The following SEMA5B variants were observed in gnomAD, a reference collection of about 807,000 sequenced individuals.
SEMA5B encodes the protein semaphorin 5B.
In SEMA5B, 66 loss-of-function variants were observed where a neutral mutation model predicts 135.0. That is an observed-to-expected ratio of 0.49 (90% CI 0.40 to 0.60). The LOEUF (loss-of-function observed/expected upper bound fraction) is 0.60. Ranked by LOEUF, SEMA5B falls within the 20% of genes least tolerant of loss-of-function variation. The probability of loss-of-function intolerance (pLI) is 0.00; values close to 1 mark genes in which losing one functional copy is unlikely to be tolerated. For synonymous variants in SEMA5B, 690 were observed against 639.5 expected (o/e 1.08, Z -1.19); for missense variants, 1,501 against 1,566.3 (o/e 0.96, Z 0.70).
At chr3:122,920,080 G>T (rs144085136) in intron 12 of SEMA5B, among the ~76,000 whole-genome samples, 56 of 152,310 alleles carry the variant, frequency 3.7e-4, no homozygotes, top group African/African-American at 1.2e-3. Flanking sequence ...ATACATGACA[G>T]TGCTGTTCAC....
intron 12 of SEMA5B, among the ~76,000 whole-genome samples, chr3:122,920,410 C>A (rs1374735406): frequency 1.5e-5 from 2 of 136,714 alleles, no homozygotes; most frequent in Non-Finnish European, 2.9e-5. Context: ...GGAGAACAAG[C>A]CATATGTGAA....
intron 1 of SEMA5B, among the ~76,000 whole-genome samples, chr3:122,972,738 T>TCC (rs1330543110): frequency 6.6e-6 from 1 of 152,064 alleles, no homozygotes. Flanking sequence ...TGTGGATGGG[T>TCC]CCTTGCTACT....
chr3:122,952,678 T>G (rs1269019006), intron 2 of SEMA5B, among the ~76,000 whole-genome samples: 1 of 152,178 alleles, frequency 6.6e-6, no homozygotes, highest in Non-Finnish European at 1.5e-5. Flanking sequence ...ACACTTATGC[T>G]GGATGCCCTC....
At position 122,911,496 on chromosome 3, in the gene SEMA5B, C is replaced by T. The variant is rs1430841634; in HGVS notation, c.3086G>A (p.Cys1029Tyr). The change falls in exon 21 of 23, where the codon TGT (cysteine) becomes TAT (tyrosine). Residue 1029 changes from cysteine to tyrosine, a missense_variant. This residue lies in a region of SEMA5B where 927 missense variants were observed against 881.6 expected (regional missense o/e 1.05). Coordinates refer to ENST00000357599, the MANE Select transcript of SEMA5B (RefSeq NM_001031702.4). ...PASSMEEATD[C>Y]AGFNLIHLVA... ...GTAGGTCCGGTTTCTTTTACCTGCA[C>T]AGTCGGTGGCCTCCTCCATGCTGGA... is the stretch of plus-strand genomic sequence containing the variant. 6.2e-7 allele frequency: 1 copy of T among 1,608,478 alleles called. No individual in the cohort carries two copies. The highest frequency in any genetic ancestry group is 1.1e-5 in the South Asian group (1 of 89,178).
rs755539253 is a variant in SEMA5B at position 122,922,358 on chromosome 3, G to C, written c.1362C>G (p.Ala454=). ...DAQRLFLMSE[A]VQPVTPEPCV... ...AGGGCTCGGGTGTCACCGGCTGCAC[G>C]GCCTCGCTCATCAGGAAGAGGCGCT... is the stretch of plus-strand genomic sequence containing the variant. Residue 454 remains alanine (A), a synonymous_variant, in exon 11 of 23, where the codon GCC becomes GCG. Coordinates refer to ENST00000357599, the MANE Select transcript of SEMA5B (RefSeq NM_001031702.4). The C allele has an allele frequency of 6.2e-7, 1 of 1,613,190 alleles. No individual in the cohort carries two copies. Among genetic ancestry groups the C allele is most frequent in the Admixed American group, 1.7e-5 (1 of 59,908 alleles).
At chr3:122,974,814 C>T (rs896438653) in intron 1 of SEMA5B, among the ~76,000 whole-genome samples, 2 of 152,156 alleles carry the variant, frequency 1.3e-5, no homozygotes, top group Admixed American at 1.3e-4. Flanking sequence ...GCCATTGGTG[C>T]CAAGCCCCTT....
At chr3:122,932,557 TA>T (rs958025274) in intron 5 of SEMA5B, among the ~76,000 whole-genome samples, 1 of 152,108 alleles carries the variant, frequency 6.6e-6, no homozygotes, top group African/African-American at 2.4e-5. Flanking sequence ...CCCACGGGAA[TA>T]AGGGCCAGAA....
intron 22 of SEMA5B, among the ~76,000 whole-genome samples, chr3:122,910,575 C>T (rs9289209): frequency 0.52 from 79,246 of 151,782 alleles, 23,263 homozygotes; most frequent in Non-Finnish European, 0.68. Context: ...TTTGGGAGGC[C>T]GAGGCGGGCG....
At position 122,999,047 on chromosome 3, in the gene SEMA5B, C is replaced by T. The variant is rs574181784; in HGVS notation, c.-39+28417G>A. On this transcript the variant is annotated intron_variant, in intron 1 of 22. Coordinates refer to ENST00000357599, the MANE Select transcript of SEMA5B (RefSeq NM_001031702.4). ...GTCACACAACAGCTAGTGATGGAGT[C>T]GGAGCTAGAAACCCAGGCGGTCAAG... Among the ~76,000 whole-genome samples the T allele has an allele frequency of 6.3e-4, 96 of 152,232 alleles. 1 individual carries two copies. The highest frequency in any genetic ancestry group is 1.1e-3 in the Non-Finnish European group (75 of 68,004).
At chr3:122,983,072 G>A (rs1054380456) in intron 1 of SEMA5B, among the ~76,000 whole-genome samples, 119 of 152,200 alleles carry the variant, frequency 7.8e-4, no homozygotes, top group African/African-American at 2.8e-3. Context: ...GCGGGATGAA[G>A]TGATCACTGG....
intron 1 of SEMA5B, among the ~76,000 whole-genome samples, chr3:122,998,588 C>G (rs1011031880): frequency 6.6e-6 from 1 of 152,140 alleles, no homozygotes; most frequent in Non-Finnish European, 1.5e-5. Flanking sequence ...TCCACTCCAC[C>G]CCACAAAGCT....
intron 1 of SEMA5B, among the ~76,000 whole-genome samples, chr3:123,006,542 T>C (rs567556684): frequency 1.3e-5 from 2 of 152,364 alleles, no homozygotes; most frequent in East Asian, 3.9e-4. Flanking sequence ...TCTAAGGGGC[T>C]TGCTGGTGCT....
rs34641242 is a variant in SEMA5B, at chr3:122,915,525, G to A, written c.1903C>T (p.Arg635Ter). ...DGDNSGSCLC[R>*]ARSCDSPRPR... ...CGAGGGGAATCACAGGATCGAGCTC[G>A]ACACAGGCAAGAGCCTGAGTTGTCC... is the stretch of plus-strand genomic sequence containing the variant. Residue 635 changes from arginine to a stop codon, truncating the protein, a stop_gained, in exon 14 of 23, where the codon CGA (arginine) becomes TGA (stop). Coordinates refer to ENST00000357599, the MANE Select transcript of SEMA5B (RefSeq NM_001031702.4). LOFTEE classifies it high-confidence loss of function. 5.6e-6 allele frequency: 9 copies of A among 1,614,022 alleles called. No individual in the cohort carries two copies. Among genetic ancestry groups the A allele is most frequent in the East Asian group, 2.2e-5 (1 of 44,876 alleles).
rs754465506 is a variant in SEMA5B, at chr3:122,915,897, G to A, written c.1689-7C>T. 5 of 1,612,342 alleles carry A rather than the reference G, an allele frequency of 3.1e-6. No individual in the cohort carries two copies. Among genetic ancestry groups the A allele is most frequent in the Non-Finnish European group, 4.2e-6 (5 of 1,178,640 alleles). On this transcript the variant is annotated splice_region_variant and splice_polypyrimidine_tract_variant and intron_variant, in intron 12 of 22. Transcript: ENST00000357599. ...CCGGGCCCCCAGGCATGCCCTGCCA[G>A]ACAGACGTCCTGAGATTCAAGCCCA...
intron 1 of SEMA5B, among the ~76,000 whole-genome samples, chr3:123,009,179 TC>T (rs1242629407): frequency 3.2e-4 from 48 of 152,084 alleles, no homozygotes; most frequent in Non-Finnish European, 2.9e-5. Flanking sequence ...TTACTCAGAC[TC>T]CTATCAATGC....
In SEMA5B at chr3:122,913,022, G is replaced by T. The variant is rs201282968; in HGVS notation, c.2546C>A (p.Pro849Gln). 2 of 1,590,254 alleles carry T rather than the reference G, an allele frequency of 1.3e-6. No individual in the cohort carries two copies. The highest frequency in any genetic ancestry group is 2.3e-5 in the East Asian group (1 of 43,570). ...EVLLRSGSTS[P>Q]HTVSGGWAAW... ...GGCCCAGCCCCCGCTCACCGTGTGC[G>T]GGGAGGTGCTCCCGCTGCGCAGGAG... The change falls in exon 18 of 23, where the codon CCG becomes CAG. Residue 849 changes from proline to glutamine, a missense_variant. Transcript: ENST00000357599.
intron 12 of SEMA5B, among the ~76,000 whole-genome samples, chr3:122,920,393 A>G (rs541590947): frequency 1.3e-5 from 2 of 152,196 alleles, no homozygotes; most frequent in East Asian, 1.9e-4. Flanking sequence ...AGGATTTACA[A>G]CCTCTTGGAG....
chr3:123,012,387 G>A (rs536081691), intron 1 of SEMA5B, among the ~76,000 whole-genome samples: 2 of 152,244 alleles, frequency 1.3e-5, no homozygotes, highest in South Asian at 4.1e-4. Context: ...GGAGGCCACA[G>A]CACCAAACCA....
At chr3:123,022,657 C>T (rs1942712618) in intron 1 of SEMA5B, among the ~76,000 whole-genome samples, 1 of 152,246 alleles carries the variant, frequency 6.6e-6, no homozygotes, top group Non-Finnish European at 1.5e-5. Flanking sequence ...GCAAATTGGA[C>T]AGAAAACCAT....
Sources: allele counts gnomAD v4.1 joint callset (sites outside exome capture counted in the v4.1 genomes callset), GRCh38; gene constraint gnomAD v4.1.1; regional missense constraint gnomAD v4.1.1; transcripts MANE v1.5; gene names NCBI Gene and HGNC (gene_info 2026-07-23, HGNC 2026-07-21).